Variants in SFXN5 observed in about 807,000 individuals in gnomAD.
SFXN5 encodes sideroflexin-5.
In SFXN5, 43 loss-of-function variants were observed where a neutral mutation model predicts 50.2. That is an observed-to-expected ratio of 0.86 (90% CI 0.67 to 1.11). SFXN5 has a LOEUF of 1.11. SFXN5 is among the 50% of genes least tolerant of loss of function. The pLI, the probability that SFXN5 is intolerant of heterozygous loss-of-function variation, is 0.00. For missense variants in SFXN5, 463 were observed against 454.1 expected, an observed-to-expected ratio of 1.02 and a Z score of -0.18; for synonymous variants, 203 against 185.8, an observed-to-expected ratio of 1.09 and a Z score of -0.75.
At position 73,071,641 on chromosome 2, in the gene SFXN5, G is replaced by A; in HGVS notation, c.65C>T (p.Ala22Val). 1.4e-5 allele frequency: 23 copies of A among 1,613,788 alleles called. No individual in the cohort carries two copies. Among genetic ancestry groups the A allele is most frequent in the Non-Finnish European group, 1.9e-5 (22 of 1,179,924 alleles). Residue 22 changes from alanine (A) to valine (V), a missense_variant, in exon 1 of 14, where the codon GCA becomes GTA. Ala to Val is a moderately conservative substitution (Grantham distance 64). Coordinates refer to ENST00000272433, the MANE Select transcript of SFXN5 (RefSeq NM_144579.3). ...GGGTTTGCCCAGTTGGAAAGGAGGT[G>A]CATCGCTCGAGGCGCTAGCGGCACT... Reference protein sequence around the residue: ...AASAASASSDAPPFQLGKPRF... With the variant: ...AASAASASSDVPPFQLGKPRF...
intron 11 of SFXN5, among the ~76,000 whole-genome samples, chr2:72,968,762 TTTTCTTTCCTCTCTCTTTC>T (rs1674789798): frequency 2.0e-5 from 3 of 151,670 alleles, no homozygotes; most frequent in African/African-American, 4.8e-5. Context: ...TTCCTTCCTT[TTTTCTTTCCTCTCTCTTTC>T]TTTCTTTCCT....
chr2:73,043,049 CAG>C (rs1679855839), intron 2 of SFXN5, among the ~76,000 whole-genome samples: 1 of 152,212 alleles, frequency 6.6e-6, no homozygotes, highest in Admixed American at 6.5e-5. Context: ...GCCTGGGCGA[CAG>C]AGTGAGCCTG....
chr2:72,946,916 G>C (rs935519685), intron 13 of SFXN5, among the ~76,000 whole-genome samples: 2 of 152,130 alleles, frequency 1.3e-5, no homozygotes, highest in African/African-American at 4.8e-5. Context: ...GGAGACACAG[G>C]GCACATGGAC....
intron 9 of SFXN5, among the ~76,000 whole-genome samples, chr2:72,993,129 G>C (rs1275426832): frequency 2.0e-5 from 3 of 152,212 alleles, no homozygotes; most frequent in East Asian, 1.9e-4. Context: ...AATGGAGTAA[G>C]GGGCACGCCT....
At chr2:73,071,478 T>G in intron 1 of SFXN5, 126 bp downstream of exon 1, 2 of 805,912 alleles carry the variant, frequency 2.5e-6, no homozygotes, top group Non-Finnish European at 3.9e-6. Flanking sequence ...GTTCCCCCCC[T>G]GGCGCTAGCT....
chr2:73,017,325 A>C (rs917817492), intron 6 of SFXN5, among the ~76,000 whole-genome samples: 1 of 152,190 alleles, frequency 6.6e-6, no homozygotes, highest in Non-Finnish European at 1.5e-5. Flanking sequence ...TTTGACTTTT[A>C]AACTATTCCC....
intron 1 of SFXN5, among the ~76,000 whole-genome samples, chr2:73,064,997 GA>G: frequency 6.6e-6 from 1 of 152,204 alleles, no homozygotes; most frequent in East Asian, 1.9e-4. Flanking sequence ...ATGTTGCCTG[GA>G]CTGGTCTCAA....
intron 6 of SFXN5, among the ~76,000 whole-genome samples, chr2:73,010,754 C>T (rs1675402219): frequency 6.6e-6 from 1 of 152,098 alleles, no homozygotes; most frequent in South Asian, 2.1e-4. Flanking sequence ...AAAACCCAAC[C>T]ACTTAGAATT....
chr2:73,053,997 G>C (rs896325816), intron 2 of SFXN5, among the ~76,000 whole-genome samples: 1 of 152,198 alleles, frequency 6.6e-6, no homozygotes, highest in African/African-American at 2.4e-5. Context: ...TCATCGGGAG[G>C]GACTCAGAGG....
rs532845846 is a variant in SFXN5, at chr2:72,946,679, C to T, written c.946-1580G>A. On this transcript the variant is annotated intron_variant, in intron 13 of 13. Transcript: ENST00000272433. ...ACTCAGCTCTCCATCTCGGGAATGA[C>T]GCCGCCATCCAGTGGTGCTCTGCCC... Among the ~76,000 whole-genome samples the T allele has an allele frequency of 9.9e-5, 15 of 152,270 alleles. 1 individual carries two copies. In the East Asian group the frequency reaches 1.5e-3, roughly 16 times the overall value.
intron 3 of SFXN5, among the ~76,000 whole-genome samples, chr2:73,032,473 G>T (rs114610150): frequency 0.011 from 1,715 of 152,270 alleles, 30 homozygotes; most frequent in African/African-American, 0.039. Context: ...GAGGTGGCTG[G>T]AAGATCCCAG....
chr2:73,060,953 G>A lies in SFXN5; in HGVS notation c.103-2357C>T, dbSNP rs559217337. Among the ~76,000 whole-genome samples, 233 of 151,666 alleles carry A rather than the reference G, an allele frequency of 1.5e-3. 1 individual carries two copies. The highest frequency in any genetic ancestry group is 4.5e-3 in the African/African-American group (188 of 41,428). ...CCTGACCTCATGATCTGCCCACCTC[G>A]GCCTCCCGAAGTGCTGGGATTACAG... On this transcript the variant is annotated intron_variant, in intron 1 of 13. Transcript: ENST00000272433.
rs2105327031 is a variant in SFXN5, at chr2:72,950,521, C to T, written c.946-5422G>A. On this transcript the variant is annotated intron_variant, in intron 13 of 13. Coordinates refer to ENST00000272433, the MANE Select transcript of SFXN5 (RefSeq NM_144579.3). This position sits in a 1 kb window ranked among gnomAD's most constrained non-coding sequence, Gnocchi z 4.2. ...GGTATTGGGACCACTGGGGTACTCC[C>T]TGCTGGGCTTGGCTAGGGGAGGCTG... Among the ~76,000 whole-genome samples the T allele has an allele frequency of 6.6e-6, 1 of 152,336 alleles. No homozygotes were observed. Among genetic ancestry groups the T allele is most frequent in the Non-Finnish European group, 1.5e-5 (1 of 68,032 alleles).
At chr2:72,966,866 G>C (rs770859802) in intron 12 of SFXN5, among the ~76,000 whole-genome samples, 11 of 152,210 alleles carry the variant, frequency 7.2e-5, no homozygotes, top group Non-Finnish European at 1.5e-4. Flanking sequence ...CTCACCTGCA[G>C]CTGACCTGGG....
intron 3 of SFXN5, among the ~76,000 whole-genome samples, chr2:73,039,014 C>T (rs1417155894): frequency 2.0e-5 from 3 of 152,100 alleles, no homozygotes; most frequent in East Asian, 3.9e-4. Context: ...GCAACCTCCA[C>T]CTCCTAGGTT....
At chr2:73,027,919 C>A (rs1490628225) in intron 3 of SFXN5, among the ~76,000 whole-genome samples, 2 of 152,202 alleles carry the variant, frequency 1.3e-5, no homozygotes, top group African/African-American at 4.8e-5. Context: ...ACTTCCACCT[C>A]CCAAAGTGTC....
chr2:73,071,634 A>C lies in SFXN5; in HGVS notation c.72T>G (p.Pro24=). The C allele has an allele frequency of 1.2e-6, 2 of 1,613,814 alleles. No homozygotes were observed. Among genetic ancestry groups the C allele is most frequent in the Non-Finnish European group, 1.7e-6 (2 of 1,179,908 alleles). ...SAASASSDAP[P]FQLGKPRFQQ... is the part of the protein sequence containing the mutation. The stretch of plus-strand genomic sequence containing the variant: ...GGAAGCGGGGTTTGCCCAGTTGGAA[A>C]GGAGGTGCATCGCTCGAGGCGCTAG... Residue 24 remains proline, a synonymous_variant, in exon 1 of 14, where the codon CCT becomes CCG. Coordinates refer to ENST00000272433, the MANE Select transcript of SFXN5 (RefSeq NM_144579.3).
chr2:73,058,642 A>G, intron 1 of SFXN5, 46 bp from the exon 2 acceptor site: 1 of 1,574,156 alleles, frequency 6.4e-7, no homozygotes, highest in Admixed American at 1.7e-5. Context: ...CAGCTGCTGC[A>G]CACCCTTCTC....
At chr2:73,061,786 T>C (rs1426519548) in intron 1 of SFXN5, among the ~76,000 whole-genome samples, 1 of 152,146 alleles carries the variant, frequency 6.6e-6, no homozygotes, top group Non-Finnish European at 1.5e-5. Flanking sequence ...ATACCTAATA[T>C]ACAGAAATGA....
Sources: gnomAD v4.1 joint callset for allele counts (sites outside exome capture counted in the v4.1 genomes callset) on GRCh38, gnomAD v4.1.1 for gene constraint, Gnocchi (gnomAD v3.1) non-coding constraint, MANE v1.5 for transcripts, NCBI Gene and HGNC (gene_info 2026-07-23, HGNC 2026-07-21) for gene names.